SCAP: variants seen among roughly 807,000 people sequenced by gnomAD.
SCAP encodes SREBF chaperone, also known as sterol regulatory element-binding protein cleavage-activating protein.
Under a neutral mutation model 123.6 loss-of-function variants are expected in SCAP, and 65 were observed. The ratio of observed to expected loss-of-function variants is 0.53; its 90% CI spans 0.43 to 0.65. SCAP has a LOEUF of 0.65. SCAP is among the 30% of genes least tolerant of loss of function. The probability of loss-of-function intolerance (pLI) is 0.00; values close to 1 mark genes in which losing one functional copy is unlikely to be tolerated. For missense variants in SCAP, 1,398 were observed against 1,712.5 expected, an observed-to-expected ratio of 0.82 and a Z score of 3.24; for synonymous variants, 740 against 726.3, an observed-to-expected ratio of 1.02 and a Z score of -0.30.
chr3:47,448,534 G>A (rs1029364067), intron 1 of SCAP, among the ~76,000 whole-genome samples: 1 of 151,398 alleles, frequency 6.6e-6, no homozygotes, highest in African/African-American at 2.4e-5. Context: ...TTGTCCCATG[G>A]GTCCCTGAAG....
intron 1 of SCAP, among the ~76,000 whole-genome samples, chr3:47,465,356 A>C (rs562373263): frequency 5.3e-5 from 8 of 152,238 alleles, no homozygotes; most frequent in African/African-American, 1.9e-4. Context: ...TTGTTAGTAG[A>C]GACAGGGTTT....
In SCAP at chr3:47,427,505, G is replaced by C; in HGVS notation, c.573C>G (p.Ile191Met). ...GCTCGTGCTGGTGGATGGTCCCAAT[G>C]ATGTCAGGATCAGCATGGAAGCGTT... ...DWERFHADPD[I>M]IGTIHQHEPK... The change falls in exon 5 of 23, where the codon ATC becomes ATG. Residue 191 changes from isoleucine (I) to methionine (M), a missense_variant. Coordinates refer to ENST00000265565, the MANE Select transcript of SCAP (RefSeq NM_012235.4). 1 of 1,614,230 alleles carries C rather than the reference G, an allele frequency of 6.2e-7. No homozygotes were observed.
Position 47,418,334 on chromosome 3 carries a change from C to T in SCAP, c.2318G>A (p.Arg773His), listed in dbSNP as rs1327364036. 12 of 1,564,996 alleles carry T rather than the reference C, an allele frequency of 7.7e-6. No homozygotes were observed. The highest frequency in any genetic ancestry group is 1.7e-4 in the Middle Eastern group (1 of 6,026). The change falls in exon 15 of 23, where the codon CGC becomes CAC. Residue 773 changes from arginine (R) to histidine (H), a missense_variant. By Grantham distance (29) the Arg-to-His change is conservative. Coordinates refer to ENST00000265565, the MANE Select transcript of SCAP (RefSeq NM_012235.4). ...PETEIVPLVL[R>H]GHLMDIECLA... ...GCCCCTGCTCACCATGAGGTGGCCG[C>T]GCAGCACAAGCGGCACGATCTCCGT... is the stretch of plus-strand genomic sequence containing the variant.
chr3:47,464,326 T>C (rs1306451799), intron 1 of SCAP, among the ~76,000 whole-genome samples: 1 of 151,998 alleles, frequency 6.6e-6, no homozygotes, highest in African/African-American at 2.4e-5. Context: ...TTTTTTATTT[T>C]TTGTAGAGAT....
intron 3 of SCAP, among the ~76,000 whole-genome samples, chr3:47,433,671 A>T (rs924395391): frequency 1.3e-5 from 2 of 152,158 alleles, no homozygotes; most frequent in African/African-American, 4.8e-5. Flanking sequence ...GTTTGAGACC[A>T]GCCTGGCCAA....
chr3:47,436,638 A>G (rs1240282849), intron 2 of SCAP, among the ~76,000 whole-genome samples: 3 of 152,222 alleles, frequency 2.0e-5, no homozygotes, highest in Non-Finnish European at 4.4e-5. Context: ...CAAGTGAAAA[A>G]AAAAGAAAAA....
intron 8 of SCAP, chr3:47,425,253 T>G: frequency 1.9e-6 from 1 of 513,382 alleles, no homozygotes; most frequent in Non-Finnish European, 3.4e-6. Context: ...CCCACAAATA[T>G]GCACTTTTGT....
At position 47,422,469 on chromosome 3, in the gene SCAP, G is replaced by A. The variant is rs896546069; in HGVS notation, c.1218C>T (p.Gly406=). 3 of 1,613,680 alleles carry A rather than the reference G, an allele frequency of 1.9e-6. No individual in the cohort carries two copies. Among genetic ancestry groups the A allele is most frequent in the Non-Finnish European group, 1.7e-6 (2 of 1,179,880 alleles). Residue 406 remains glycine (G), a synonymous_variant, in exon 10 of 23, where the codon GGC becomes GGT. Transcript: ENST00000265565. ...GGATGGCGGGCACTAGGGTGAAGTA[G>A]CCGATGAGGATGATGCCCAGCTCCG... ...MATELGIILI[G]YFTLVPAIQE... is the part of the protein sequence containing the mutation.
intron 6 of SCAP, 130 bp downstream of exon 6, chr3:47,427,027 C>G: frequency 1.4e-6 from 1 of 691,626 alleles, no homozygotes; most frequent in Non-Finnish European, 2.6e-6. Flanking sequence ...TGTAAACATT[C>G]AACAGGAGGC....
In SCAP at chr3:47,414,225, G is replaced by A; in HGVS notation, c.3549C>T (p.Ser1183=). ...TGATGCCTGTGCTGCGGTCCCAGATGCTGATGAGGTCATCCAGGCCACTGC... is the reference window on the plus strand; with the variant it reads ...TGATGCCTGTGCTGCGGTCCCAGATACTGATGAGGTCATCCAGGCCACTGC... ...VISSGLDDLI[S]IWDRSTGIKF... is the part of the protein sequence containing the mutation. Residue 1183 remains serine, a synonymous_variant, in exon 22 of 23, where the codon AGC becomes AGT. Transcript: ENST00000265565. 1 of 1,613,716 alleles carries A rather than the reference G, an allele frequency of 6.2e-7. No individual in the cohort carries two copies. The highest frequency in any genetic ancestry group is 1.1e-5 in the South Asian group (1 of 91,086).
At chr3:47,445,719 ACAC>A (rs1049817869) in intron 1 of SCAP, among the ~76,000 whole-genome samples, 2 of 151,296 alleles carry the variant, frequency 1.3e-5, no homozygotes, top group Non-Finnish European at 2.9e-5. Context: ...GCACAGGTGC[ACAC>A]CACCACACTT....
At chr3:47,442,804 G>T in intron 2 of SCAP, 68 bp downstream of exon 2, 1 of 1,441,326 alleles carries the variant, frequency 6.9e-7, no homozygotes, top group South Asian at 1.1e-5. Context: ...CTCCATAGTG[G>T]TTAGGGTTAG....
chr3:47,422,005 G>A (rs762550857), intron 10 of SCAP, among the ~76,000 whole-genome samples: 24 of 152,288 alleles, frequency 1.6e-4, no homozygotes, highest in Non-Finnish European at 2.9e-4. Context: ...TGGCGACTGC[G>A]GCACAGGCCA....
intron 3 of SCAP, among the ~76,000 whole-genome samples, chr3:47,429,244 G>A: frequency 6.6e-6 from 1 of 152,210 alleles, no homozygotes; most frequent in Admixed American, 6.5e-5. Flanking sequence ...TCACAGTATT[G>A]GCTTCTAGCA....
chr3:47,475,682 C>CG (rs1185351563), intron 1 of SCAP, 117 bp downstream of exon 1: 1 of 152,800 alleles, frequency 6.5e-6, no homozygotes, highest in Non-Finnish European at 1.5e-5. Flanking sequence ...TGCTGGACAG[C>CG]GCCATGCCCA....
chr3:47,422,497 G>C lies in SCAP; in HGVS notation c.1190C>G (p.Ala397Gly). 1 of 1,613,708 alleles carries C rather than the reference G, an allele frequency of 6.2e-7. No individual in the cohort carries two copies. Among genetic ancestry groups the C allele is most frequent in the South Asian group, 1.1e-5 (1 of 91,068 alleles). ...SESWSIMKNMATELGIILIGY... is the reference protein window; with the variant it reads ...SESWSIMKNMGTELGIILIGY... ...GATGAGGATGATGCCCAGCTCCGTGGCCATGTTCTTCATGATGGACCAGCT... is the reference window on the plus strand; with the variant it reads ...GATGAGGATGATGCCCAGCTCCGTGCCCATGTTCTTCATGATGGACCAGCT... Residue 397 changes from alanine (A) to glycine (G), a missense_variant, in exon 10 of 23, where the codon GCC becomes GGC. By Grantham distance (60) the Ala-to-Gly change is moderately conservative (BLOSUM62 0). Coordinates refer to ENST00000265565, the MANE Select transcript of SCAP (RefSeq NM_012235.4).
chr3:47,435,513 CACACAGAT>C (rs1221729401), intron 2 of SCAP, among the ~76,000 whole-genome samples: 1 of 145,540 alleles, frequency 6.9e-6, no homozygotes, highest in Non-Finnish European at 1.5e-5. Context: ...CACACACACA[CACACAGAT>C]AGATAGGCGC....
chr3:47,473,685 T>A (rs1304801348), intron 1 of SCAP, among the ~76,000 whole-genome samples: 2 of 152,196 alleles, frequency 1.3e-5, no homozygotes, highest in African/African-American at 4.8e-5. Flanking sequence ...CACATTCACA[T>A]GCATGGCTAG....
intron 1 of SCAP, among the ~76,000 whole-genome samples, chr3:47,465,490 G>A (rs1338865857): frequency 6.6e-6 from 1 of 152,194 alleles, no homozygotes. Context: ...CAGCTGGCCA[G>A]GCACGGTGGC....
Sources: gnomAD v4.1 joint callset for allele counts (sites outside exome capture counted in the v4.1 genomes callset) on GRCh38, gnomAD v4.1.1 for gene constraint, MANE v1.5 for transcripts, NCBI Gene and HGNC (gene_info 2026-07-23, HGNC 2026-07-21) for gene names.